PIK3R4: variants seen among roughly 807,000 people sequenced by gnomAD.
PIK3R4 encodes phosphoinositide-3-kinase regulatory subunit 4.
Under a neutral mutation model 136.5 loss-of-function variants are expected in PIK3R4, and 46 were observed. The ratio of observed to expected loss-of-function variants is 0.34; its 90% confidence interval spans 0.27 to 0.43. PIK3R4 has a LOEUF of 0.43. Ranked by LOEUF, PIK3R4 falls within the 20% of genes least tolerant of loss-of-function variation. The pLI is 1.00. For synonymous variants in PIK3R4, 557 were observed against 566.7 expected, an observed-to-expected ratio of 0.98 and a Z score of 0.24; for missense variants, 1,331 against 1,649.5, an observed-to-expected ratio of 0.81 and a Z score of 3.35.
intron 13 of PIK3R4, among the ~76,000 whole-genome samples, chr3:130,697,063 C>CTT (rs60432343): frequency 0.055 from 3,983 of 73,050 alleles, 636 homozygotes; most frequent in African/African-American, 0.12. Context: ...GCCACTCCAG[C>CTT]TTTTTTTTTT....
intron 8 of PIK3R4, 144 bp downstream of exon 8, chr3:130,718,245 T>A (rs1576458873): frequency 3.0e-6 from 2 of 672,396 alleles, no homozygotes; most frequent in East Asian, 2.7e-5. Flanking sequence ...TTCATTAACA[T>A]TAATTAGCTT....
chr3:130,720,417 G>C (rs889014753), intron 7 of PIK3R4, among the ~76,000 whole-genome samples: 1 of 152,080 alleles, frequency 6.6e-6, no homozygotes, highest in African/African-American at 2.4e-5. Flanking sequence ...CTGGTCTTGA[G>C]CTCCTGACCT....
At chr3:130,689,183 C>G (rs960221701) in intron 14 of PIK3R4, among the ~76,000 whole-genome samples, 1 of 152,160 alleles carries the variant, frequency 6.6e-6, no homozygotes, top group Non-Finnish European at 1.5e-5. Flanking sequence ...AAACATCCTG[C>G]CTGTCTCCTT....
In PIK3R4 at chr3:130,680,600, A is replaced by AAGACT. The variant is rs1405969836; in HGVS notation, c.3906+8_3906+12dup. On this transcript the variant is annotated intron_variant, in intron 19 of 19. Transcript: ENST00000356763. ...GCTTACAAAAGGTGAAAGGAATGAA[A>AAGACT]AGACTACAGTACCTGGACAACTTCA... is the stretch of plus-strand genomic sequence containing the variant. 4 of 1,427,648 alleles carry AAGACT rather than the reference A, an allele frequency of 2.8e-6. No individual in the cohort carries two copies. In the African/African-American group the frequency reaches 4.2e-5, roughly 15 times the overall value. The allele number at this position is 1,427,648 out of a possible 1,614,324, so 88.4% of individuals were successfully genotyped here.
At chr3:130,745,380 A>G (rs1448809374) in intron 1 of PIK3R4, 116 bp from the exon 2 acceptor site, 1 of 652,754 alleles carries the variant, frequency 1.5e-6, no homozygotes, top group Non-Finnish European at 2.5e-6. Flanking sequence ...CTTCTCTTCC[A>G]CTAACAGCAC....
chr3:130,743,782 T>C (rs2066837548), intron 2 of PIK3R4, among the ~76,000 whole-genome samples: 1 of 152,250 alleles, frequency 6.6e-6, no homozygotes, highest in South Asian at 2.1e-4. Flanking sequence ...CTTGTTTTCC[T>C]GTCTTCTGTG....
At chr3:130,723,737 A>G (rs933181097) in intron 6 of PIK3R4, 150 bp from the exon 7 acceptor site, 4 of 578,858 alleles carry the variant, frequency 6.9e-6, no homozygotes, top group African/African-American at 5.8e-5. Context: ...GATAAAGTTA[A>G]AAAGACCCAC....
intron 9 of PIK3R4, among the ~76,000 whole-genome samples, chr3:130,714,498 A>T (rs1180439136): frequency 6.6e-6 from 1 of 152,158 alleles, no homozygotes; most frequent in Non-Finnish European, 1.5e-5. Flanking sequence ...TTCTTTAAAA[A>T]GCAAAACAGG....
rs2066664554 is a variant in PIK3R4 at position 130,716,363 on chromosome 3, T to C, written c.2331+33A>G. 3.2e-6 allele frequency: 5 copies of C among 1,547,280 alleles called. No individual in the cohort carries two copies. The African/African-American group carries it at 4.1e-5, about 13-fold the overall frequency. ...CTTCAATATTTTTATGAAATTCGCA[T>C]TTAAATGTAAGACTTTGGAAGGGTG... On this transcript the variant is annotated intron_variant, in intron 9 of 19. Coordinates refer to ENST00000356763, the MANE Select transcript of PIK3R4 (RefSeq NM_014602.3).
intron 7 of PIK3R4, 31 bp from the exon 8 acceptor site, chr3:130,718,565 A>G: frequency 1.2e-6 from 2 of 1,611,310 alleles, no homozygotes; most frequent in East Asian, 2.2e-5. Flanking sequence ...TAGGGATCAA[A>G]TAAGTTATTT....
intron 13 of PIK3R4, among the ~76,000 whole-genome samples, chr3:130,702,986 A>G (rs545001068): frequency 6.6e-6 from 1 of 152,082 alleles, no homozygotes; most frequent in Admixed American, 6.5e-5. Context: ...ATTTCCCACC[A>G]CCTCATACTG....
chr3:130,688,494 C>G (rs1055732257), intron 14 of PIK3R4, among the ~76,000 whole-genome samples: 2 of 152,166 alleles, frequency 1.3e-5, no homozygotes, highest in African/African-American at 4.8e-5. Flanking sequence ...CCCCTTACAT[C>G]CTGGTTAACT....
rs764029897 is a variant in PIK3R4, at chr3:130,706,998, G to A, written c.2671C>T (p.Arg891Cys). The A allele has an allele frequency of 1.2e-5, 19 of 1,612,688 alleles. No homozygotes were observed. Among genetic ancestry groups the A allele is most frequent in the Middle Eastern group, 1.6e-4 (1 of 6,066 alleles). ...CAAATGCCAGCAGAGGACTCGGAAC[G>A]AGGAGGTTTCCCAGTCTGAATCACC... ...QEVIQTGKPP[R>C]SESSAGICVP... is the part of the protein sequence containing the mutation. The change falls in exon 11 of 20, where the codon CGT becomes TGT. Residue 891 changes from arginine (R) to cysteine (C), a missense_variant. Coordinates refer to ENST00000356763, the MANE Select transcript of PIK3R4 (RefSeq NM_014602.3).
Position 130,734,105 on chromosome 3 carries a change from G to A in PIK3R4, c.893C>T (p.Pro298Leu), listed in dbSNP as rs1174577935. 6.2e-7 allele frequency: 1 copy of A among 1,612,912 alleles called. No homozygotes were observed. ...ATCTTCTGCCTCTAAACGTTTATCT[G>A]GCTCACGGTGAATCATCTGAGTTAC... ...ELVTQMIHRE[P>L]DKRLEAEDYL... The change falls in exon 4 of 20, where the codon CCA (proline) becomes CTA (leucine). Residue 298 changes from proline to leucine, a missense_variant. Physicochemically the swap from Pro to Leu is moderately conservative, Grantham distance 98. Coordinates refer to ENST00000356763, the MANE Select transcript of PIK3R4 (RefSeq NM_014602.3).
At chr3:130,745,740 C>A (rs933878318) in intron 1 of PIK3R4, among the ~76,000 whole-genome samples, 1 of 152,122 alleles carries the variant, frequency 6.6e-6, no homozygotes, top group African/African-American at 2.4e-5. Context: ...AAGCTTAAAA[C>A]TGGCCGGGCG....
chr3:130,703,598 G>T (rs1214826324), intron 13 of PIK3R4, 125 bp downstream of exon 13: 1 of 681,158 alleles, frequency 1.5e-6, no homozygotes, highest in Non-Finnish European at 2.5e-6. Flanking sequence ...ACAGAAGAAG[G>T]ATTTTTGTCC....
chr3:130,745,030 A>C lies in PIK3R4; in HGVS notation c.189T>G (p.Pro63=). Residue 63 remains proline, a synonymous_variant, in exon 2 of 20, where the codon CCT becomes CCG. Transcript: ENST00000356763. ...KVFAIQDPTL[P]LTSYKQELEE... ...CCAGCTCTTGTTTATAGCTGGTTAA[A>C]GGCAATGTGGGATCCTGAATTGCAA... 6.2e-7 allele frequency: 1 copy of C among 1,613,752 alleles called. No homozygotes were observed. Among genetic ancestry groups the C allele is most frequent in the Admixed American group, 1.7e-5 (1 of 59,970 alleles).
At chr3:130,736,457 T>C (rs2066786123) in intron 2 of PIK3R4, among the ~76,000 whole-genome samples, 1 of 152,054 alleles carries the variant, frequency 6.6e-6, no homozygotes. Context: ...TGGTCCCAGC[T>C]ACTTGGGAGG....
chr3:130,719,072 A>AT (rs2066683839), intron 7 of PIK3R4, among the ~76,000 whole-genome samples: 1 of 152,214 alleles, frequency 6.6e-6, no homozygotes, highest in African/African-American at 2.4e-5. Flanking sequence ...AATCTAATAT[A>AT]TAACTCACAG....
Sources: gnomAD v4.1 joint callset for allele counts (sites outside exome capture counted in the v4.1 genomes callset) on GRCh38, gnomAD v4.1.1 for gene constraint, MANE v1.5 for transcripts, NCBI Gene and HGNC (gene_info 2026-07-23, HGNC 2026-07-21) for gene names.